Variants in ST7 observed in about 807,000 individuals in gnomAD.
The protein encoded by ST7 is suppression of tumorigenicity 7, also known as suppressor of tumorigenicity 7 protein.
ST7 carries 28 observed loss-of-function variants against 78.7 expected under a neutral mutation model. The ratio of observed to expected loss-of-function variants is 0.36; its 90% CI spans 0.26 to 0.49. The LOEUF is 0.49. Ranked by LOEUF, ST7 falls within the 20% of genes least tolerant of loss-of-function variation. The probability of loss-of-function intolerance (pLI) is 0.99; values close to 1 mark genes in which losing one functional copy is unlikely to be tolerated. For synonymous variants in ST7, 247 were observed against 249.6 expected (o/e 0.99, Z 0.10); for missense variants, 418 against 696.0 (o/e 0.60, Z 4.49).
At position 117,019,700 on chromosome 7, in the gene ST7, T is replaced by G. The variant is rs1795783594; in HGVS notation, c.151+66009T>G. On this transcript the variant is annotated intron_variant, in intron 1 of 15. Coordinates refer to ENST00000323984, the MANE Select transcript of ST7 (RefSeq NM_001369598.1). ...TGTGCCAAGCAGTGTTCTAAGTACT[T>G]AAGATTACTATTTTACTGTTACATT... Among the ~76,000 whole-genome samples, 5 of 152,240 alleles carry G rather than the reference T, an allele frequency of 3.3e-5. No individual in the cohort carries two copies. In the South Asian group the frequency reaches 1.0e-3, roughly 31 times the overall value.
At chr7:117,093,091 G>C (rs951854605) in intron 1 of ST7, among the ~76,000 whole-genome samples, 5 of 152,146 alleles carry the variant, frequency 3.3e-5, no homozygotes, top group African/African-American at 4.8e-5. Flanking sequence ...GCACATGTTA[G>C]ACTTCAGGGA....
intron 9 of ST7, among the ~76,000 whole-genome samples, chr7:117,138,950 G>C (rs1268977015): frequency 6.6e-6 from 1 of 152,124 alleles, no homozygotes; most frequent in Non-Finnish European, 1.5e-5. Flanking sequence ...CTGTGTAGTT[G>C]TTAGGAAGAT....
At chr7:117,176,820 C>T (rs1294254413) in intron 10 of ST7, among the ~76,000 whole-genome samples, 1 of 152,086 alleles carries the variant, frequency 6.6e-6, no homozygotes, top group Non-Finnish European at 1.5e-5. Context: ...ATTTTGATGC[C>T]ACAGGCACAA....
chr7:117,069,704 C>T lies in ST7; in HGVS notation c.152-30058C>T, dbSNP rs138727937. Among the ~76,000 whole-genome samples, 201 of 152,290 alleles carry T rather than the reference C, an allele frequency of 1.3e-3. 1 individual carries two copies. Among genetic ancestry groups the T allele is most frequent in the African/African-American group, 4.6e-3 (193 of 41,550 alleles). Reference sequence around the variant, plus strand: ...AGCTTTAGTAATTGATATGAACCCACCAGGTGCATGTAGAAGCACAGTTTG... The same window carrying T: ...AGCTTTAGTAATTGATATGAACCCATCAGGTGCATGTAGAAGCACAGTTTG... On this transcript the variant is annotated intron_variant, in intron 1 of 15. Transcript: ENST00000323984.
Position 116,987,031 on chromosome 7 carries a change from C to A in ST7, c.151+33340C>A, listed in dbSNP as rs74665921. Among the ~76,000 whole-genome samples the A allele has an allele frequency of 1.9e-3, 288 of 152,328 alleles. 7 individuals are homozygous for A. In the East Asian group the frequency reaches 0.05, roughly 27 times the overall value. ...GCCTATCCACATTCTTAATCTCCAA[C>A]CTTTGTGCTACCAATCCTTCAGTCC... is the stretch of plus-strand genomic sequence containing the variant. On this transcript the variant is annotated intron_variant, in intron 1 of 15. Coordinates refer to ENST00000323984, the MANE Select transcript of ST7 (RefSeq NM_001369598.1).
intron 15 of ST7, among the ~76,000 whole-genome samples, chr7:117,226,074 T>G (rs1295967424): frequency 6.6e-6 from 1 of 152,208 alleles, no homozygotes; most frequent in Admixed American, 6.5e-5. Flanking sequence ...CCTCTTGATT[T>G]CTGACTCTCA....
chr7:117,161,319 A>G (rs1293148516), intron 9 of ST7, among the ~76,000 whole-genome samples: 2 of 152,186 alleles, frequency 1.3e-5, no homozygotes, highest in Non-Finnish European at 2.9e-5. Context: ...ATAAAAATGT[A>G]TGCAGAATAT....
At chr7:116,959,415 A>G (rs763265464) in intron 1 of ST7, 5 of 336,216 alleles carry the variant, frequency 1.5e-5, no homozygotes, top group Non-Finnish European at 2.9e-5. Flanking sequence ...TTGTATATGT[A>G]TGTTTTATTA....
chr7:116,959,253 A>T (rs908569227), intron 1 of ST7: 7 of 470,942 alleles, frequency 1.5e-5, no homozygotes, highest in Non-Finnish European at 3.1e-5. Context: ...TTTACAAGGA[A>T]TTACAACAAT....
intron 1 of ST7, among the ~76,000 whole-genome samples, chr7:117,070,531 T>TTTTG (rs149864579): frequency 4.2e-3 from 634 of 151,674 alleles, no homozygotes; most frequent in South Asian, 0.018. Context: ...AGCATATTGG[T>TTTTG]TTTGTTTGTT....
At chr7:116,965,921 C>T (rs1443828944) in intron 1 of ST7, 1 of 252,578 alleles carries the variant, frequency 4.0e-6, no homozygotes, top group Non-Finnish European at 8.6e-6. Flanking sequence ...TAGTGATGAG[C>T]AGGTTGGATC....
intron 1 of ST7, among the ~76,000 whole-genome samples, chr7:117,011,098 C>T (rs1026886684): frequency 6.6e-6 from 1 of 152,122 alleles, no homozygotes; most frequent in African/African-American, 2.4e-5. Flanking sequence ...AGCCATGAAC[C>T]CTCTAGTAGG....
intron 9 of ST7, among the ~76,000 whole-genome samples, chr7:117,153,811 A>T (rs536621788): frequency 1.3e-5 from 2 of 152,372 alleles, no homozygotes; most frequent in South Asian, 2.1e-4. Context: ...GTGAGGTAAG[A>T]TGTCTACTGG....
chr7:117,127,105 G>A (rs1441609417), intron 3 of ST7, among the ~76,000 whole-genome samples: 2 of 151,838 alleles, frequency 1.3e-5, no homozygotes, highest in Non-Finnish European at 2.9e-5. Context: ...AACTTCTAGT[G>A]CATCTTGAGG....
chr7:116,958,344 G>C (rs1303670973), intron 1 of ST7, among the ~76,000 whole-genome samples: 2 of 151,884 alleles, frequency 1.3e-5, no homozygotes, highest in African/African-American at 4.8e-5. Flanking sequence ...GAATACAGAT[G>C]TAAAACTCTT....
In ST7 at chr7:117,082,635, A is replaced by G. The variant is rs141556727; in HGVS notation, c.152-17127A>G. ...AAATATATTCTTATTTTCTTCTGCC[A>G]TTAGAAGGACTTTAGTAGAAAATAC... On this transcript the variant is annotated intron_variant, in intron 1 of 15. Coordinates refer to ENST00000323984, the MANE Select transcript of ST7 (RefSeq NM_001369598.1). Among the ~76,000 whole-genome samples the G allele has an allele frequency of 6.3e-3, 963 of 152,334 alleles. 4 individuals carry two copies. The highest frequency in any genetic ancestry group is 9.4e-3 in the Non-Finnish European group (638 of 68,020).
In ST7 at chr7:117,230,062, AAAG is replaced by A. The variant is rs767047228; in HGVS notation, c.*211_*213del. 11 of 715,944 alleles carry A rather than the reference AAAG, an allele frequency of 1.5e-5. No homozygotes were observed. The highest frequency in any genetic ancestry group is 2.8e-5 in the Non-Finnish European group (11 of 386,146). 44.3% of individuals were successfully genotyped at this position (715,944 alleles called of 1,614,324 possible). A position where few individuals can be genotyped will look rare whatever the true frequency, so the allele number is the denominator to read the frequency against. On this transcript the variant is annotated 3_prime_UTR_variant, in exon 16 of 16. Transcript: ENST00000323984. ...AGTTCTATTTTATTTTGCCTTCAGA[AAAG>A]AAGAAAGTCAAAAATAAAACTTTTG...
At chr7:117,146,505 T>C (rs1238751787) in intron 9 of ST7, 1 of 152,160 alleles carries the variant, frequency 6.6e-6, no homozygotes. Context: ...ACATGACCAG[T>C]CTTAATTTTT....
At chr7:117,040,625 G>A (rs7800379) in intron 1 of ST7, among the ~76,000 whole-genome samples, 73,898 of 152,050 alleles carry the variant, frequency 0.49, 18,952 homozygotes, top group African/African-American at 0.66. Context: ...CATGGGTAAA[G>A]CTTTTTAAGG....
Sources: gnomAD v4.1 joint callset for allele counts (sites outside exome capture counted in the v4.1 genomes callset) on GRCh38, gnomAD v4.1.1 for gene constraint, MANE v1.5 for transcripts, NCBI Gene and HGNC (gene_info 2026-07-23, HGNC 2026-07-21) for gene names.